GRIN2B: variants seen among roughly 807,000 people sequenced by gnomAD.
GRIN2B encodes glutamate receptor ionotropic, NMDA 2B.
A neutral mutation model predicts 114.5 loss-of-function variants in GRIN2B; 5 were observed. The observed-to-expected ratio is 0.04, with a 90% CI of 0.02 to 0.09. The LOEUF (loss-of-function observed/expected upper bound fraction) is 0.09, where lower values mean the gene tolerates loss of function less well. GRIN2B is among the 10% of genes least tolerant of loss of function. The pLI is 1.00. For missense variants in GRIN2B, 1,108 were observed against 1,943.5 expected, an observed-to-expected ratio of 0.57 and a Z score of 8.08; for synonymous variants, 787 against 745.1, an observed-to-expected ratio of 1.06 and a Z score of -0.92.
At chr12:13,863,625 G>A (rs545189746) in intron 3 of GRIN2B, among the ~76,000 whole-genome samples, 1 of 152,314 alleles carries the variant, frequency 6.6e-6, no homozygotes, top group African/African-American at 2.4e-5. Flanking sequence ...ACAGCACTAA[G>A]CGCCTAGCAT....
Position 13,541,138 on chromosome 12 carries a change from C to T in GRIN2B, c.*21645G>A, listed in dbSNP as rs1948273907. ...TCACGTGGAGGAAAAGAGATTTCCC[C>T]TAGGGACAAGAGCTCACTGCCCCAT... On this transcript the variant is annotated 3_prime_UTR_variant, in exon 14 of 14. Coordinates refer to ENST00000609686, the MANE Select transcript of GRIN2B (RefSeq NM_000834.5). 1 of 152,224 alleles carries T rather than the reference C, an allele frequency of 6.6e-6. No homozygotes were observed. The highest frequency in any genetic ancestry group is 1.9e-4 in the East Asian group (1 of 5,188). The allele number at this position is 152,224 out of a possible 1,614,324, so 9.4% of individuals were successfully genotyped here.
chr12:13,778,093 G>A (rs868026980), intron 3 of GRIN2B, among the ~76,000 whole-genome samples: 1 of 152,230 alleles, frequency 6.6e-6, no homozygotes, highest in Non-Finnish European at 1.5e-5. Context: ...GTTGTTGATA[G>A]AGTGGACTTT....
intron 4 of GRIN2B, among the ~76,000 whole-genome samples, chr12:13,747,994 T>C (rs1378214723): frequency 6.6e-6 from 1 of 152,236 alleles, no homozygotes; most frequent in Non-Finnish European, 1.5e-5. Flanking sequence ...TGTAGGAAGA[T>C]TGAGCTTATC....
intron 5 of GRIN2B, among the ~76,000 whole-genome samples, chr12:13,668,348 C>G (rs1339661708): frequency 6.6e-6 from 1 of 152,192 alleles, no homozygotes; most frequent in Admixed American, 6.5e-5. Context: ...TCTATTCCCC[C>G]AATACATCCT....
chr12:13,724,117 C>G (rs1862932729), intron 4 of GRIN2B, among the ~76,000 whole-genome samples: 1 of 152,140 alleles, frequency 6.6e-6, no homozygotes. Context: ...TTTAAAAACA[C>G]TGTAAAGAAC....
intron 4 of GRIN2B, among the ~76,000 whole-genome samples, chr12:13,682,301 A>G (rs1950138275): frequency 6.6e-6 from 1 of 152,100 alleles, no homozygotes; most frequent in South Asian, 2.1e-4. Context: ...TAAAAATATT[A>G]AACTCTGTGG....
At chr12:13,598,384 T>C (rs1482451143) in intron 10 of GRIN2B, among the ~76,000 whole-genome samples, 1 of 152,126 alleles carries the variant, frequency 6.6e-6, no homozygotes, top group Non-Finnish European at 1.5e-5. Context: ...TATGGCCTCA[T>C]CTGGTCTTGA....
Position 13,554,297 on chromosome 12 carries a change from A to G in GRIN2B, c.*8486T>C, listed in dbSNP as rs1484636599. The G allele has an allele frequency of 6.6e-6, 1 of 152,178 alleles. No homozygotes were observed. Among genetic ancestry groups the G allele is most frequent in the African/African-American group, 2.4e-5 (1 of 41,434 alleles). 9.4% of individuals were successfully genotyped at this position (152,178 alleles called of 1,614,324 possible). On this transcript the variant is annotated 3_prime_UTR_variant, in exon 14 of 14. Coordinates refer to ENST00000609686, the MANE Select transcript of GRIN2B (RefSeq NM_000834.5). ...TAGCTGCCACTAGGGAGAAACAACG[A>G]AAGTGTTATGGGCATTCATAAAATG...
At position 13,550,583 on chromosome 12, in the gene GRIN2B, C is replaced by CAGGA. The variant is rs1300833481; in HGVS notation, c.*12196_*12199dup. ...CATCCTCTTAGAACCAACCCATCAA[C>CAGGA]AGGACCTTATGGATTCCATCAGGTC... On this transcript the variant is annotated 3_prime_UTR_variant, in exon 14 of 14. Coordinates refer to ENST00000609686, the MANE Select transcript of GRIN2B (RefSeq NM_000834.5). The CAGGA allele has an allele frequency of 6.6e-6, 1 of 152,158 alleles. No individual in the cohort carries two copies. The highest frequency in any genetic ancestry group is 2.4e-5 in the African/African-American group (1 of 41,424). The allele number at this position is 152,158 out of a possible 1,614,324, so 9.4% of individuals were successfully genotyped here.
chr12:13,592,746 C>T (rs1218508462), intron 10 of GRIN2B, among the ~76,000 whole-genome samples: 1 of 152,186 alleles, frequency 6.6e-6, no homozygotes, highest in African/African-American at 2.4e-5. Context: ...CCAAGCCTGA[C>T]ACCCCCTATT....
chr12:13,637,442 A>G (rs568776815), intron 5 of GRIN2B, among the ~76,000 whole-genome samples: 1 of 152,148 alleles, frequency 6.6e-6, no homozygotes, highest in African/African-American at 2.4e-5. Context: ...GTGAAATTTA[A>G]TTACACACCT....
intron 4 of GRIN2B, among the ~76,000 whole-genome samples, chr12:13,723,382 G>C (rs937288743): frequency 1.3e-5 from 2 of 151,490 alleles, no homozygotes; most frequent in African/African-American, 2.4e-5. Context: ...ACCACTTGCT[G>C]TCAGCAATGC....
intron 2 of GRIN2B, among the ~76,000 whole-genome samples, chr12:13,933,457 C>T (rs1444727673): frequency 6.6e-6 from 1 of 152,132 alleles, no homozygotes; most frequent in East Asian, 1.9e-4. Flanking sequence ...AATCACCATT[C>T]CCCCAGACAT....
At chr12:13,739,374 CAAAAAAAAAAAAA>C (rs34320563) in intron 4 of GRIN2B, among the ~76,000 whole-genome samples, 800 of 59,436 alleles carry the variant, frequency 0.013, 19 homozygotes, top group African/African-American at 0.05. Flanking sequence ...AACTCCGTCT[CAAAAAAAAAAAAA>C]AAAAAAAAAA....
chr12:13,957,348 C>A (rs1433054807), intron 2 of GRIN2B, among the ~76,000 whole-genome samples: 1 of 152,074 alleles, frequency 6.6e-6, no homozygotes, highest in Non-Finnish European at 1.5e-5. Context: ...TGTATGGGTA[C>A]ACACACAAGC....
chr12:13,569,969 T>C lies in GRIN2B; in HGVS notation c.2220A>G (p.Ala740=). ...CCAGCTTGCAGCCTTCATCTCTGCC[T>C]GCCATATAGTTCAGCACTGCTGCAT... ...IYDAAVLNYM[A]GRDEGCKLVT... is the part of the protein sequence containing the mutation. The change falls in exon 12 of 14, where the codon GCA becomes GCG. Residue 740 remains alanine (A), a synonymous_variant. Coordinates refer to ENST00000609686, the MANE Select transcript of GRIN2B (RefSeq NM_000834.5). 1.2e-6 allele frequency: 2 copies of C among 1,613,250 alleles called. No individual in the cohort carries two copies. The highest frequency in any genetic ancestry group is 1.7e-6 in the Non-Finnish European group (2 of 1,179,194).
intron 5 of GRIN2B, among the ~76,000 whole-genome samples, chr12:13,644,435 T>C (rs531102427): frequency 2.6e-5 from 4 of 152,160 alleles, no homozygotes; most frequent in Non-Finnish European, 5.9e-5. Flanking sequence ...TTTCCATTGA[T>C]AGAGCATGGA....
chr12:13,824,412 G>C lies in GRIN2B; in HGVS notation c.411+41386C>G, dbSNP rs535507506. ...AAGTTGTCAAATTTATTGACATAAA[G>C]ATGGTTATAATATTCTTTTATTAGC... On this transcript the variant is annotated intron_variant, in intron 3 of 13. Coordinates refer to ENST00000609686, the MANE Select transcript of GRIN2B (RefSeq NM_000834.5). 5.3e-4 allele frequency among the ~76,000 whole-genome samples: 80 copies of C among 152,240 alleles called. 1 individual carries two copies. The Middle Eastern group carries it at 0.017, about 32-fold the overall frequency.
At chr12:13,735,767 C>A (rs1863166134) in intron 4 of GRIN2B, among the ~76,000 whole-genome samples, 1 of 152,186 alleles carries the variant, frequency 6.6e-6, no homozygotes, top group African/African-American at 2.4e-5. Context: ...CTTTATGTCT[C>A]CTGTCAATTT....
Sources: gnomAD v4.1 joint callset for allele counts (sites outside exome capture counted in the v4.1 genomes callset) on GRCh38, gnomAD v4.1.1 for gene constraint, MANE v1.5 for transcripts, NCBI Gene and HGNC (gene_info 2026-07-23, HGNC 2026-07-21) for gene names.